The following FSTL4 variants were observed in gnomAD, a reference collection of about 807,000 sequenced individuals.
FSTL4 encodes the protein follistatin-related protein 4.
In FSTL4, 28 loss-of-function variants were observed where a neutral mutation model predicts 78.2. The observed-to-expected ratio is 0.36, with a 90% CI of 0.27 to 0.49. The LOEUF is 0.49. Among genes scored for constraint, FSTL4 ranks in the 20% least tolerant of loss-of-function variants. The pLI is 0.98. For missense variants in FSTL4, 922 were observed against 1,084.9 expected (o/e 0.85, Z 2.11); for synonymous variants, 422 against 440.5 (o/e 0.96, Z 0.53).
the FSTL4 span, among the ~76,000 whole-genome samples, chr5:133,830,772 C>A: frequency 6.6e-6 from 1 of 152,182 alleles, no homozygotes; most frequent in Non-Finnish European, 1.5e-5. Flanking sequence ...ACACCCCAGA[C>A]TCCGCGGCAC....
At chr5:133,389,640 A>G (rs1432002135) in intron 4 of FSTL4, among the ~76,000 whole-genome samples, 1 of 152,184 alleles carries the variant, frequency 6.6e-6, no homozygotes, top group Non-Finnish European at 1.5e-5. Context: ...CCACCTATCC[A>G]GAAAGGTTCT....
At chr5:133,333,250 G>A (rs1301379869) in intron 4 of FSTL4, among the ~76,000 whole-genome samples, 1 of 152,328 alleles carries the variant, frequency 6.6e-6, no homozygotes, top group Admixed American at 6.5e-5. Context: ...ATGTAGTCCA[G>A]GCTCCTCATT....
chr5:133,249,633 A>T (rs1752155811), intron 6 of FSTL4, 57 bp from the exon 7 acceptor site: 2 of 1,400,326 alleles, frequency 1.4e-6, no homozygotes, highest in African/African-American at 2.8e-5. Context: ...TGGAGTCTCA[A>T]CTCAAGGTGA....
intron 3 of FSTL4, among the ~76,000 whole-genome samples, chr5:133,458,780 G>A (rs1757539786): frequency 6.6e-6 from 1 of 152,240 alleles, no homozygotes. Flanking sequence ...CAAGGTGGGA[G>A]AGGAGGAGGG....
chr5:133,745,549 A>G, the FSTL4 span, among the ~76,000 whole-genome samples: 1 of 152,228 alleles, frequency 6.6e-6, no homozygotes, highest in Non-Finnish European at 1.5e-5. Flanking sequence ...TAAGCGGGCC[A>G]AGTATAGCAG....
intron 3 of FSTL4, among the ~76,000 whole-genome samples, chr5:133,417,776 G>C (rs546296657): frequency 1.3e-5 from 2 of 151,694 alleles, no homozygotes; most frequent in Admixed American, 1.3e-4. Flanking sequence ...GGGCCAACAA[G>C]GTGAAACCCC....
intron 4 of FSTL4, among the ~76,000 whole-genome samples, chr5:133,385,131 A>ACACT (rs2126956058): frequency 1.3e-5 from 2 of 152,092 alleles, no homozygotes; most frequent in East Asian, 3.9e-4. Context: ...GGGCCCTCTC[A>ACACT]CACTCCTCTT....
chr5:133,449,316 TG>T (rs1757333870), intron 3 of FSTL4, among the ~76,000 whole-genome samples: 1 of 152,198 alleles, frequency 6.6e-6, no homozygotes, highest in African/African-American at 2.4e-5. Context: ...GTGCCTTGTT[TG>T]GGGGACATCT....
rs145648132 is a variant in FSTL4, at chr5:133,289,607, C to T, written c.727+23047G>A. ...ATGCTGAAGGAAAAGGCCTCTAAGA[C>T]ACAGGGCAGAGGGGCAGGTGTCCTG... On this transcript the variant is annotated intron_variant, in intron 6 of 15. Coordinates refer to ENST00000265342, the MANE Select transcript of FSTL4 (RefSeq NM_015082.2). Among the ~76,000 whole-genome samples the T allele has an allele frequency of 2.6e-5, 4 of 152,322 alleles. No homozygotes were observed. In the East Asian group the frequency reaches 7.7e-4, roughly 29 times the overall value.
chr5:133,378,247 A>G (rs1486957038), intron 4 of FSTL4, among the ~76,000 whole-genome samples: 1 of 152,210 alleles, frequency 6.6e-6, no homozygotes, highest in Non-Finnish European at 1.5e-5. Context: ...CAGTATAAAT[A>G]TACATTTATT....
chr5:133,210,184 A>G lies in FSTL4; in HGVS notation c.1716+7T>C, dbSNP rs1363826466. The G allele has an allele frequency of 2.0e-6, 3 of 1,498,572 alleles. No individual in the cohort carries two copies. The highest frequency in any genetic ancestry group is 2.8e-6 in the Non-Finnish European group (3 of 1,074,352). The allele number at this position is 1,498,572 out of a possible 1,614,324, so 92.8% of individuals were successfully genotyped here. A position where few individuals can be genotyped will look rare whatever the true frequency, so the allele number is the denominator to read the frequency against. ...TGTGGGTATCAGCCTCCATGTGCTC[A>G]ACATACCTGGAGACTTGGTCGGGAC... On this transcript the variant is annotated splice_region_variant and intron_variant, in intron 14 of 15. Transcript: ENST00000265342.
At chr5:133,573,196 A>G (rs1760199017) in intron 2 of FSTL4, among the ~76,000 whole-genome samples, 2 of 152,096 alleles carry the variant, frequency 1.3e-5, no homozygotes, top group East Asian at 1.9e-4. Context: ...GTAAGCCCAG[A>G]TTGCGCCACT....
intron 4 of FSTL4, among the ~76,000 whole-genome samples, chr5:133,331,152 G>A (rs1162428556): frequency 2.0e-5 from 3 of 152,128 alleles, no homozygotes; most frequent in Admixed American, 1.3e-4. Context: ...CATAGGTCCC[G>A]GCAGGGCCTT....
Position 133,361,174 on chromosome 5 carries a change from C to T in FSTL4, c.409+39564G>A, listed in dbSNP as rs900884061. Among the ~76,000 whole-genome samples the T allele has an allele frequency of 6.6e-6, 1 of 152,182 alleles. No individual in the cohort carries two copies. Among genetic ancestry groups the T allele is most frequent in the Non-Finnish European group, 1.5e-5 (1 of 68,038 alleles). On this transcript the variant is annotated intron_variant, in intron 4 of 15. Coordinates refer to ENST00000265342, the MANE Select transcript of FSTL4 (RefSeq NM_015082.2). This position sits in a 1 kb window ranked among gnomAD's most constrained non-coding sequence, Gnocchi z 4.3. ...TCTGAAACATGATTCCCGACCTCTT[C>T]TCGCTCTAATAAACTTTTCAAGGAG... is the stretch of plus-strand genomic sequence containing the variant.
chr5:133,431,054 T>C (rs965509254), intron 3 of FSTL4, among the ~76,000 whole-genome samples: 1 of 152,152 alleles, frequency 6.6e-6, no homozygotes, highest in Non-Finnish European at 1.5e-5. Context: ...AGGAGAGACC[T>C]AGAGGGGTGC....
At chr5:133,544,190 C>T (rs560907894) in intron 3 of FSTL4, among the ~76,000 whole-genome samples, 1 of 152,112 alleles carries the variant, frequency 6.6e-6, no homozygotes, top group African/African-American at 2.4e-5. Context: ...TAAATTAATT[C>T]CCAAATATTA....
intron 3 of FSTL4, among the ~76,000 whole-genome samples, chr5:133,515,690 A>ATTT (rs1758838530): frequency 8.4e-5 from 12 of 143,480 alleles, no homozygotes; most frequent in African/African-American, 1.6e-4. Context: ...TTTTTTTTTA[A>ATTT]AAAAAAGCAA....
the FSTL4 span, among the ~76,000 whole-genome samples, chr5:133,682,000 CAG>C: frequency 3.5e-3 from 532 of 152,284 alleles, 2 homozygotes; most frequent in Non-Finnish European, 3.2e-3. Context: ...CGTTCCATTG[CAG>C]AGATTCCCCA....
At chr5:133,683,210 T>C in the FSTL4 span, among the ~76,000 whole-genome samples, 1 of 152,192 alleles carries the variant, frequency 6.6e-6, no homozygotes, top group African/African-American at 2.4e-5. Context: ...TGAGAAAAGA[T>C]GAATATTATG....
Sources: allele counts gnomAD v4.1 joint callset (sites outside exome capture counted in the v4.1 genomes callset), GRCh38; gene constraint gnomAD v4.1.1; non-coding constraint Gnocchi (gnomAD v3.1); transcripts MANE v1.5; gene names NCBI Gene and HGNC (gene_info 2026-07-23, HGNC 2026-07-21).